Variants in NEDD4L observed in about 807,000 individuals in gnomAD.
NEDD4L encodes the protein NEDD4 like E3 ubiquitin protein ligase, also known as E3 ubiquitin-protein ligase NEDD4-like.
In NEDD4L, 54 loss-of-function variants were observed where a neutral mutation model predicts 148.9. That is an observed-to-expected ratio of 0.36 (90% CI 0.29 to 0.45). The LOEUF is 0.45. NEDD4L is among the 20% of genes least tolerant of loss of function. NEDD4L has a pLI of 1.00. For synonymous variants in NEDD4L, 433 were observed against 440.7 expected, an observed-to-expected ratio of 0.98 and a Z score of 0.22; for missense variants, 856 against 1,233.8, an observed-to-expected ratio of 0.69 and a Z score of 4.59.
At chr18:58,058,167 G>A (rs1368019318) in intron 1 of NEDD4L, among the ~76,000 whole-genome samples, 5 of 152,172 alleles carry the variant, frequency 3.3e-5, no homozygotes. Flanking sequence ...TTAGCTGGGT[G>A]TGGTGGCACG....
At chr18:58,389,744 A>C (rs1206731502) in intron 28 of NEDD4L, among the ~76,000 whole-genome samples, 1 of 145,122 alleles carries the variant, frequency 6.9e-6, no homozygotes, top group Non-Finnish European at 1.5e-5. Flanking sequence ...AACAAACTTA[A>C]AAAAAAAAAA....
rs367898117 is a variant in NEDD4L, at chr18:58,055,457, A to G, written c.48+10749A>G. Among the ~76,000 whole-genome samples the G allele has an allele frequency of 1.9e-4, 29 of 152,370 alleles. No individual in the cohort carries two copies. In the East Asian group the frequency reaches 2.7e-3, roughly 14 times the overall value. On this transcript the variant is annotated intron_variant, in intron 1 of 30. Transcript: ENST00000400345. The stretch of plus-strand genomic sequence containing the variant: ...ACCTTTTTTTCTTAATATAAAAGTA[A>G]GTTTAAAAGTGAGTTTAAAAATCCC...
intron 2 of NEDD4L, among the ~76,000 whole-genome samples, chr18:58,242,857 G>A (rs1027741496): frequency 6.6e-6 from 1 of 152,192 alleles, no homozygotes; most frequent in African/African-American, 2.4e-5. Context: ...GCTCCAAGAT[G>A]TTGGCCTTTG....
At chr18:58,350,965 C>T (rs772623885) in intron 17 of NEDD4L, 26 bp from the exon 18 acceptor site, 2 of 1,559,194 alleles carry the variant, frequency 1.3e-6, no homozygotes, top group Non-Finnish European at 1.7e-6. Flanking sequence ...TATATTTTCT[C>T]TCTCCCTTCC....
chr18:58,097,920 T>A (rs2084521259), intron 1 of NEDD4L, among the ~76,000 whole-genome samples: 1 of 152,014 alleles, frequency 6.6e-6, no homozygotes, highest in African/African-American at 2.4e-5. Flanking sequence ...TCCCAGCAAC[T>A]TGGGAGGCGG....
intron 5 of NEDD4L, among the ~76,000 whole-genome samples, chr18:58,309,857 G>A (rs1477658645): frequency 2.0e-5 from 3 of 152,100 alleles, no homozygotes; most frequent in Non-Finnish European, 2.9e-5. Context: ...TGATGTCACA[G>A]CCAAGTACCT....
chr18:58,177,600 C>T lies in NEDD4L; in HGVS notation c.122+11739C>T, dbSNP rs531142362. 8.1e-4 allele frequency among the ~76,000 whole-genome samples: 123 copies of T among 152,238 alleles called. 4 individuals are homozygous for T. In the South Asian group the frequency reaches 0.021, roughly 26 times the overall value. Reference sequence around the variant, plus strand: ...TCAGTGGGTGCAGCTTTGGGGAGGCCGTGAGGCTGGTGATCTTGGGGCCTC... The same window carrying T: ...TCAGTGGGTGCAGCTTTGGGGAGGCTGTGAGGCTGGTGATCTTGGGGCCTC... On this transcript the variant is annotated intron_variant, in intron 2 of 30. Transcript: ENST00000400345.
At chr18:58,349,463 A>G in intron 16 of NEDD4L, 74 bp from the exon 17 acceptor site, 1 of 1,289,538 alleles carries the variant, frequency 7.8e-7, no homozygotes, top group South Asian at 1.2e-5. Flanking sequence ...AAACAGCTCA[A>G]GAAGAAAAGC....
chr18:58,302,876 T>C (rs1011602583), intron 5 of NEDD4L, among the ~76,000 whole-genome samples: 28 of 152,356 alleles, frequency 1.8e-4, no homozygotes, highest in African/African-American at 6.3e-4. Context: ...CCTGTGACTT[T>C]GAACACATGC....
intron 1 of NEDD4L, among the ~76,000 whole-genome samples, chr18:58,088,257 G>C (rs185432957): frequency 1.3e-5 from 2 of 152,286 alleles, no homozygotes; most frequent in Admixed American, 1.3e-4. Context: ...ATATCCTGTG[G>C]GTTACACGTC....
rs766485355 is a variant in NEDD4L, at chr18:58,072,872, GCACACACA to G, written c.48+28191_48+28198del. On this transcript the variant is annotated intron_variant, in intron 1 of 30. Transcript: ENST00000400345. ...AAAATCCTAAGGCGCGCGCGCGCGC[GCACACACA>G]CACACACACACACACACACACACAC... Among the ~76,000 whole-genome samples, 228 of 131,602 alleles carry G rather than the reference GCACACACA, an allele frequency of 1.7e-3. 3 individuals carry two copies. The highest frequency in any genetic ancestry group is 6.6e-3 in the African/African-American group (207 of 31,298). 86.3% of individuals were successfully genotyped at this position (131,602 alleles called of 152,430 possible).
chr18:58,302,569 T>C (rs188201513), intron 5 of NEDD4L, among the ~76,000 whole-genome samples: 1 of 152,364 alleles, frequency 6.6e-6, no homozygotes, highest in African/African-American at 2.4e-5. Flanking sequence ...TGGCCAGCCT[T>C]GGCAGGGACC....
chr18:58,391,456 T>A, intron 29 of NEDD4L, 31 bp from the exon 30 acceptor site: 1 of 1,511,724 alleles, frequency 6.6e-7, no homozygotes, highest in South Asian at 1.2e-5. Context: ...CCCCAAGCAA[T>A]CTTAACATTT....
chr18:58,073,900 G>C (rs147088319), intron 1 of NEDD4L, among the ~76,000 whole-genome samples: 2 of 152,120 alleles, frequency 1.3e-5, no homozygotes, highest in African/African-American at 4.8e-5. Flanking sequence ...AGTTAAGAGC[G>C]CATCCAGATA....
chr18:58,057,246 A>G (rs964418779), intron 1 of NEDD4L, among the ~76,000 whole-genome samples: 4 of 84,904 alleles, frequency 4.7e-5, no homozygotes, highest in Non-Finnish European at 9.5e-5. Flanking sequence ...TACACCTGAA[A>G]GGAGGTTTTT....
At chr18:58,089,976 A>G (rs560251748) in intron 1 of NEDD4L, among the ~76,000 whole-genome samples, 49 of 151,974 alleles carry the variant, frequency 3.2e-4, no homozygotes, top group African/African-American at 1.1e-3. Context: ...AGTAGCTGGG[A>G]TTACAGGTAT....
intron 1 of NEDD4L, among the ~76,000 whole-genome samples, chr18:58,063,998 T>A (rs1274042392): frequency 8.0e-6 from 1 of 125,012 alleles, no homozygotes; most frequent in East Asian, 2.4e-4. Context: ...GGAGTCTTGT[T>A]CTGTTGCCCA....
intron 1 of NEDD4L, among the ~76,000 whole-genome samples, chr18:58,144,370 G>T (rs2146200191): frequency 6.6e-6 from 1 of 152,012 alleles, no homozygotes; most frequent in African/African-American, 2.4e-5. Context: ...AAGGGGTTGG[G>T]TCACACACTT....
chr18:58,145,651 A>G (rs1053587874), intron 1 of NEDD4L, among the ~76,000 whole-genome samples: 1 of 151,144 alleles, frequency 6.6e-6, no homozygotes, highest in Non-Finnish European at 1.5e-5. Context: ...TTCTCCTTTG[A>G]TGAATACTCC....
Sources: allele counts gnomAD v4.1 joint callset (sites outside exome capture counted in the v4.1 genomes callset), GRCh38; gene constraint gnomAD v4.1.1; transcripts MANE v1.5; gene names NCBI Gene and HGNC (gene_info 2026-07-23, HGNC 2026-07-21).